Variants in STEAP1B observed in about 807,000 individuals in gnomAD.
STEAP1B encodes STEAP family protein MGC87042.
In STEAP1B, 13 loss-of-function variants were observed where a neutral mutation model predicts 27.9. That is an observed-to-expected ratio of 0.47 (90% confidence interval 0.30 to 0.74). The LOEUF is 0.74. STEAP1B is among the 30% of genes least tolerant of loss of function. STEAP1B has a pLI of 0.06. For missense variants in STEAP1B, 250 were observed against 298.7 expected (o/e 0.84, Z 1.20); for synonymous variants, 86 against 107.1 (o/e 0.80, Z 1.22).
Position 22,419,760 on chromosome 7 carries a change from C to T in STEAP1B, c.*44G>A, listed in dbSNP as rs1785022156. On this transcript the variant is annotated 3_prime_UTR_variant, in exon 5 of 5. Transcript: ENST00000678116. ...GCATGAGCAATCCAATGCTGTGCTC[C>T]AAAGCCTCGTTCTCATTTCCTCTCA... is the stretch of plus-strand genomic sequence containing the variant. 6.5e-7 allele frequency: 1 copy of T among 1,544,786 alleles called. No individual in the cohort carries two copies. Among genetic ancestry groups the T allele is most frequent in the African/African-American group, 1.4e-5 (1 of 72,838 alleles).
chr7:22,494,930 G>A (rs1323798022), intron 1 of STEAP1B, 44 bp from the exon 2 acceptor site: 1 of 999,802 alleles, frequency 1.0e-6, no homozygotes, highest in East Asian at 2.6e-5. Flanking sequence ...TTCTACTTAT[G>A]ATGTGAATGT....
At chr7:22,453,148 G>C (rs1236700689) in intron 4 of STEAP1B, among the ~76,000 whole-genome samples, 1 of 152,058 alleles carries the variant, frequency 6.6e-6, no homozygotes, top group East Asian at 1.9e-4. Context: ...ACTGCGACAG[G>C]ATTTTATTTC....
At chr7:22,454,865 A>ATTTTTTTTT (rs367804282) in intron 4 of STEAP1B, among the ~76,000 whole-genome samples, 2 of 126,164 alleles carry the variant, frequency 1.6e-5, no homozygotes, top group African/African-American at 6.4e-5. Flanking sequence ...ATATATATAT[A>ATTTTTTTTT]TTTTTTTTTT....
rs1481232933 is a variant in STEAP1B at position 22,493,317 on chromosome 7, A to G, written c.597+7T>C. 6.2e-7 allele frequency: 1 copy of G among 1,605,998 alleles called. No homozygotes were observed. The highest frequency in any genetic ancestry group is 1.3e-5 in the African/African-American group (1 of 74,756). On this transcript the variant is annotated splice_region_variant and intron_variant, in intron 3 of 4. Transcript: ENST00000678116. The stretch of plus-strand genomic sequence containing the variant: ...TATTAGTAACAGTGACATCATTGTC[A>G]TCTCACCTGTTGATATGCCCAGTTT...
At chr7:22,477,411 C>A (rs1257700148) in intron 4 of STEAP1B, among the ~76,000 whole-genome samples, 1 of 152,108 alleles carries the variant, frequency 6.6e-6, no homozygotes, top group Non-Finnish European at 1.5e-5. Context: ...TGGTGACATC[C>A]AGCCTGACAA....
intron 4 of STEAP1B, among the ~76,000 whole-genome samples, chr7:22,481,868 G>A (rs533105506): frequency 2.6e-5 from 4 of 152,314 alleles, no homozygotes; most frequent in African/African-American, 4.8e-5. Context: ...CATTAGCAGC[G>A]GTTTCCTGTA....
chr7:22,464,753 A>C (rs1429749170), intron 4 of STEAP1B, among the ~76,000 whole-genome samples: 1 of 151,258 alleles, frequency 6.6e-6, no homozygotes, highest in African/African-American at 2.4e-5. Flanking sequence ...CCTCGGGAGA[A>C]ATGAAACTTG....
chr7:22,469,180 C>A (rs1456804338), intron 4 of STEAP1B, among the ~76,000 whole-genome samples: 1 of 151,540 alleles, frequency 6.6e-6, no homozygotes, highest in African/African-American at 2.4e-5. Context: ...TAGGCCTAGG[C>A]CTATGTGTAT....
At chr7:22,489,419 G>A (rs1407205795) in intron 4 of STEAP1B, among the ~76,000 whole-genome samples, 1 of 152,178 alleles carries the variant, frequency 6.6e-6, no homozygotes, top group Non-Finnish European at 1.5e-5. Context: ...ATTATGGGTT[G>A]AATTCTGTCC....
intron 4 of STEAP1B, among the ~76,000 whole-genome samples, chr7:22,442,079 G>A (rs761938587): frequency 1.1e-4 from 16 of 152,212 alleles, no homozygotes; most frequent in Admixed American, 2.6e-4. Context: ...GCCCTTTCTG[G>A]GTAAATGTTC....
At chr7:22,488,053 C>A (rs1786246156) in intron 4 of STEAP1B, among the ~76,000 whole-genome samples, 1 of 152,126 alleles carries the variant, frequency 6.6e-6, no homozygotes, top group South Asian at 2.1e-4. Context: ...TCCCCACACG[C>A]CACCCCAGAA....
At chr7:22,428,316 A>G (rs951628389) in intron 4 of STEAP1B, among the ~76,000 whole-genome samples, 1 of 152,216 alleles carries the variant, frequency 6.6e-6, no homozygotes, top group African/African-American at 2.4e-5. Context: ...CCCCAAAAGT[A>G]TAACTTTCCA....
chr7:22,431,851 AG>A (rs1419891674), intron 4 of STEAP1B, among the ~76,000 whole-genome samples: 1 of 152,182 alleles, frequency 6.6e-6, no homozygotes, highest in Non-Finnish European at 1.5e-5. Flanking sequence ...AGCTCTTGCC[AG>A]GCTCTGGTAA....
At chr7:22,472,094 T>C (rs976231780) in intron 4 of STEAP1B, among the ~76,000 whole-genome samples, 3 of 152,140 alleles carry the variant, frequency 2.0e-5, no homozygotes, top group African/African-American at 7.2e-5. Context: ...TCATGACATA[T>C]TGGAACTATT....
In STEAP1B at chr7:22,459,830, G is replaced by A. The variant is rs573282202; in HGVS notation, c.762+32735C>T. Among the ~76,000 whole-genome samples, 56 of 152,260 alleles carry A rather than the reference G, an allele frequency of 3.7e-4. No individual in the cohort carries two copies. The South Asian group carries it at 6.2e-3, about 17-fold the overall frequency. On this transcript the variant is annotated intron_variant, in intron 4 of 4. Coordinates refer to ENST00000678116, the MANE Select transcript of STEAP1B (RefSeq NM_001382447.1). ...ACCGCACCCCACACCCTCAGTGAGC[G>A]CAGCATGAATTTTCCTATTCAGCAT...
At chr7:22,472,507 A>G (rs1583648112) in intron 4 of STEAP1B, among the ~76,000 whole-genome samples, 1 of 152,258 alleles carries the variant, frequency 6.6e-6, no homozygotes, top group East Asian at 1.9e-4. Context: ...ACGTAAGAAC[A>G]GAGATTGAGA....
At position 22,446,752 on chromosome 7, in the gene STEAP1B, G is replaced by A. The variant is rs570099960; in HGVS notation, c.763-26916C>T. ...AATGTGGGTTTTGTTTCAGGTAAAC[G>A]ACTCAAGCCTGGTCCCAAGTTGAAC... On this transcript the variant is annotated intron_variant, in intron 4 of 4. Coordinates refer to ENST00000678116, the MANE Select transcript of STEAP1B (RefSeq NM_001382447.1). 7.9e-5 allele frequency among the ~76,000 whole-genome samples: 12 copies of A among 152,264 alleles called. No individual in the cohort carries two copies. In the South Asian group the frequency reaches 1.9e-3, roughly 24 times the overall value.
intron 4 of STEAP1B, among the ~76,000 whole-genome samples, chr7:22,462,934 TGA>T (rs1397207794): frequency 6.6e-6 from 1 of 152,248 alleles, no homozygotes; most frequent in African/African-American, 2.4e-5. Context: ...CTAACTGGTG[TGA>T]GATAGTATCT....
At chr7:22,440,748 A>T (rs979382162) in intron 4 of STEAP1B, among the ~76,000 whole-genome samples, 1 of 152,082 alleles carries the variant, frequency 6.6e-6, no homozygotes, top group Non-Finnish European at 1.5e-5. Flanking sequence ...AAAGGAATTT[A>T]AAAAATAGAA....
Sources: allele counts gnomAD v4.1 joint callset (sites outside exome capture counted in the v4.1 genomes callset), GRCh38; gene constraint gnomAD v4.1.1; transcripts MANE v1.5; gene names NCBI Gene and HGNC (gene_info 2026-07-23, HGNC 2026-07-21).